DOK6: variants seen among roughly 807,000 people sequenced by gnomAD.
DOK6 encodes the protein docking protein 6.
In DOK6, 22 loss-of-function variants were observed where a neutral mutation model predicts 44.0. The ratio of observed to expected loss-of-function variants is 0.50; its 90% CI spans 0.36 to 0.71. The LOEUF is 0.71. Among genes scored for constraint, DOK6 ranks in the 30% least tolerant of loss-of-function variants. DOK6 has a pLI of 0.00. For synonymous variants in DOK6, 166 were observed against 145.5 expected (o/e 1.14, Z -1.01); for missense variants, 340 against 416.4 (o/e 0.82, Z 1.60).
chr18:69,622,742 T>C (rs1271959392), intron 3 of DOK6, among the ~76,000 whole-genome samples: 1 of 152,168 alleles, frequency 6.6e-6, no homozygotes, highest in Non-Finnish European at 1.5e-5. Flanking sequence ...TCTGAACAAC[T>C]GGCAGGTGCA....
At position 69,690,116 on chromosome 18, in the gene DOK6, A is replaced by G. The variant is rs560760596; in HGVS notation, c.410-8288A>G. On this transcript the variant is annotated intron_variant, in intron 4 of 7. Coordinates refer to ENST00000382713, the MANE Select transcript of DOK6 (RefSeq NM_152721.6). ...ACATGCTTTACTTGGAAATGCAGAT[A>G]AAATCCATGCAATAGTCAATTTTTG... Among the ~76,000 whole-genome samples, 3 of 152,296 alleles carry G rather than the reference A, an allele frequency of 2.0e-5. No homozygotes were observed. The South Asian group carries it at 6.2e-4, about 32-fold the overall frequency.
chr18:69,409,104 G>C (rs1978295486), intron 1 of DOK6, among the ~76,000 whole-genome samples: 1 of 152,074 alleles, frequency 6.6e-6, no homozygotes, highest in African/African-American at 2.4e-5. Flanking sequence ...GAGATAGTGA[G>C]TTCTCACAAA....
At chr18:69,685,830 T>A (rs1283818182) in intron 4 of DOK6, among the ~76,000 whole-genome samples, 1 of 152,248 alleles carries the variant, frequency 6.6e-6, no homozygotes, top group African/African-American at 2.4e-5. Context: ...TGTAGTACGG[T>A]GGCAACCTTT....
At chr18:69,718,692 T>C (rs1221753906) in intron 5 of DOK6, among the ~76,000 whole-genome samples, 1 of 152,222 alleles carries the variant, frequency 6.6e-6, no homozygotes, top group Admixed American at 6.5e-5. Context: ...TTGCTTCATG[T>C]TTCATACTAG....
chr18:69,489,525 A>T (rs1404065919), intron 1 of DOK6, among the ~76,000 whole-genome samples: 1 of 152,104 alleles, frequency 6.6e-6, no homozygotes, highest in Non-Finnish European at 1.5e-5. Flanking sequence ...AGCTTTTTTG[A>T]GGGGAAGGGG....
chr18:69,672,484 G>T (rs1346212847), intron 3 of DOK6, among the ~76,000 whole-genome samples: 1 of 152,174 alleles, frequency 6.6e-6, no homozygotes, highest in Admixed American at 6.5e-5. Context: ...TCAGACTCCC[G>T]AGTAGCTGGG....
intron 7 of DOK6, among the ~76,000 whole-genome samples, chr18:69,772,766 A>C: frequency 6.6e-6 from 1 of 152,040 alleles, no homozygotes; most frequent in East Asian, 1.9e-4. Flanking sequence ...GATAAGCTTC[A>C]GGCAGTGGTT....
At chr18:69,732,951 C>T (rs947572745) in intron 5 of DOK6, among the ~76,000 whole-genome samples, 16 of 152,088 alleles carry the variant, frequency 1.1e-4, no homozygotes, top group African/African-American at 3.9e-4. Context: ...TTTTAACAGG[C>T]TTAACAGGAA....
chr18:69,471,757 T>C (rs920194224), intron 1 of DOK6: 2 of 152,170 alleles, frequency 1.3e-5, no homozygotes, highest in Non-Finnish European at 2.9e-5. Context: ...AATTGCCATT[T>C]GCTTCAGGAA....
intron 1 of DOK6, among the ~76,000 whole-genome samples, chr18:69,423,621 A>C (rs1366023455): frequency 1.3e-5 from 2 of 152,212 alleles, no homozygotes; most frequent in African/African-American, 4.8e-5. Flanking sequence ...ACTGGTTTTT[A>C]AAATGTGTGT....
chr18:69,608,688 G>A (rs1984059487), intron 3 of DOK6, among the ~76,000 whole-genome samples: 1 of 152,136 alleles, frequency 6.6e-6, no homozygotes, highest in Middle Eastern at 3.4e-3. Flanking sequence ...ATAAATGTTT[G>A]TATTTTAAAG....
At chr18:69,411,668 A>C (rs1255846745) in intron 1 of DOK6, among the ~76,000 whole-genome samples, 1 of 152,108 alleles carries the variant, frequency 6.6e-6, no homozygotes, top group Non-Finnish European at 1.5e-5. Context: ...GTAGAAATAT[A>C]GTTTTCATTC....
At chr18:69,659,164 G>A (rs1279344974) in intron 3 of DOK6, among the ~76,000 whole-genome samples, 1 of 152,192 alleles carries the variant, frequency 6.6e-6, no homozygotes, top group African/African-American at 2.4e-5. Context: ...AGCTCTGCAT[G>A]TTCTCTGCTG....
intron 7 of DOK6, chr18:69,832,603 A>G (rs887744812): frequency 6.6e-6 from 1 of 152,096 alleles, no homozygotes; most frequent in African/African-American, 2.4e-5. Context: ...TGAAACTGGT[A>G]TTACTGATAG....
At chr18:69,755,216 A>G (rs1244403901) in intron 6 of DOK6, among the ~76,000 whole-genome samples, 1 of 152,194 alleles carries the variant, frequency 6.6e-6, no homozygotes, top group African/African-American at 2.4e-5. Flanking sequence ...TGGAAGAGTT[A>G]TTATCCAGTG....
intron 3 of DOK6, among the ~76,000 whole-genome samples, chr18:69,667,209 T>C (rs1207335298): frequency 6.6e-6 from 1 of 152,228 alleles, no homozygotes; most frequent in East Asian, 1.9e-4. Flanking sequence ...CATCCTGATA[T>C]TCTTTTTATG....
intron 7 of DOK6, among the ~76,000 whole-genome samples, chr18:69,762,048 T>G (rs71370318): frequency 0.048 from 7,317 of 152,042 alleles, 185 homozygotes; most frequent in Non-Finnish European, 0.056. Context: ...GAAGGAAAGT[T>G]CAACTTGGAA....
intron 2 of DOK6, among the ~76,000 whole-genome samples, chr18:69,584,065 G>A (rs1477229704): frequency 1.6e-4 from 22 of 138,832 alleles, no homozygotes; most frequent in Admixed American, 3.1e-4. Flanking sequence ...CCGAGATCGC[G>A]CCACTGCACT....
At chr18:69,583,276 C>G (rs1408058058) in intron 2 of DOK6, among the ~76,000 whole-genome samples, 1 of 152,132 alleles carries the variant, frequency 6.6e-6, no homozygotes, top group Non-Finnish European at 1.5e-5. Flanking sequence ...TGTTTTAACA[C>G]ACATTTGTAA....
Sources: allele counts gnomAD v4.1 joint callset (sites outside exome capture counted in the v4.1 genomes callset), GRCh38; gene constraint gnomAD v4.1.1; transcripts MANE v1.5; gene names NCBI Gene and HGNC (gene_info 2026-07-23, HGNC 2026-07-21).